Variants in KIF13A observed in about 807,000 individuals in gnomAD.
KIF13A encodes the protein kinesin family member 13A.
A neutral mutation model predicts 212.2 loss-of-function variants in KIF13A; 79 were observed. That is an observed-to-expected ratio of 0.37 (90% CI 0.31 to 0.45). The LOEUF (loss-of-function observed/expected upper bound fraction) is 0.45. KIF13A is among the 20% of genes least tolerant of loss of function. KIF13A has a pLI of 1.00. For synonymous variants in KIF13A, 789 were observed against 808.6 expected (o/e 0.98, Z 0.41); for missense variants, 1,901 against 2,209.0 (o/e 0.86, Z 2.79).
intron 2 of KIF13A, among the ~76,000 whole-genome samples, chr6:17,916,670 G>A (rs370929842): frequency 1.3e-5 from 2 of 152,130 alleles, no homozygotes; most frequent in African/African-American, 4.8e-5. Flanking sequence ...GAATAACACA[G>A]TCTCCTCAAA....
chr6:17,932,998 GA>G (rs1160119629), intron 2 of KIF13A, among the ~76,000 whole-genome samples: 1 of 151,070 alleles, frequency 6.6e-6, no homozygotes, highest in Non-Finnish European at 1.5e-5. Context: ...AGCTTAATTA[GA>G]AAAAAAAATT....
intron 9 of KIF13A, among the ~76,000 whole-genome samples, chr6:17,848,945 T>A (rs1015979069): frequency 6.6e-6 from 1 of 152,112 alleles, no homozygotes; most frequent in Non-Finnish European, 1.5e-5. Context: ...TTTGAGATAG[T>A]CTCACTCTGT....
chr6:17,882,141 C>T, intron 3 of KIF13A: 1 of 447,112 alleles, frequency 2.2e-6, no homozygotes, highest in Non-Finnish European at 4.5e-6. Context: ...TCTCTGTATC[C>T]TTTCATTTGT....
rs570102021 is a variant in KIF13A at position 17,975,968 on chromosome 6, C to T, written c.146+11086G>A. Among the ~76,000 whole-genome samples, 142 of 151,180 alleles carry T rather than the reference C, an allele frequency of 9.4e-4. 2 individuals are homozygous for T. The highest frequency in any genetic ancestry group is 3.3e-3 in the African/African-American group (135 of 40,910). ...CCACCAGAGTAGCTAGATACAGTGT[C>T]GATTGGTGCATTCACAAACCCTGAG... On this transcript the variant is annotated intron_variant, in intron 2 of 38. Transcript: ENST00000259711.
chr6:17,867,466 A>T (rs529381702), intron 4 of KIF13A, among the ~76,000 whole-genome samples: 2 of 152,344 alleles, frequency 1.3e-5, no homozygotes, highest in Admixed American at 1.3e-4. Context: ...TATGGTTTAA[A>T]CCCAATAGCT....
At position 17,789,969 on chromosome 6, in the gene KIF13A, G is replaced by A; in HGVS notation, c.3223-59C>T. 1 of 1,329,622 alleles carries A rather than the reference G, an allele frequency of 7.5e-7. No homozygotes were observed. The highest frequency in any genetic ancestry group is 1.1e-6 in the Non-Finnish European group (1 of 927,248). The allele number at this position is 1,329,622 out of a possible 1,614,324, so 82.4% of individuals were successfully genotyped here. A position where few individuals can be genotyped will look rare whatever the true frequency, so the allele number is the denominator to read the frequency against. On this transcript the variant is annotated intron_variant, in intron 25 of 38. Coordinates refer to ENST00000259711, the MANE Select transcript of KIF13A (RefSeq NM_022113.6). This position sits in a 1 kb window ranked among gnomAD's most constrained non-coding sequence, Gnocchi z 4.8. The stretch of plus-strand genomic sequence containing the variant: ...TTTTGTTTTTCAAACCACATACAGG[G>A]AAAATAATTATTTAAGCTTAACACA...
At position 17,787,725 on chromosome 6, in the gene KIF13A, T is replaced by G. The variant is rs1282855271; in HGVS notation, c.3361+51A>C. 2.0e-6 allele frequency: 2 copies of G among 1,016,580 alleles called. No individual in the cohort carries two copies. The highest frequency in any genetic ancestry group is 3.1e-6 in the Non-Finnish European group (2 of 638,448). 63.0% of individuals were successfully genotyped at this position (1,016,580 alleles called of 1,614,324 possible). A position where few individuals can be genotyped will look rare whatever the true frequency, so the allele number is the denominator to read the frequency against. On this transcript the variant is annotated intron_variant, in intron 27 of 38. Transcript: ENST00000259711. This position sits in a 1 kb window ranked among gnomAD's most constrained non-coding sequence, Gnocchi z 4.6. ...GGGGAAGAAAACGACCTACTGCCAT[T>G]GTGTAAAAGTGAAAAAGCTACTCCC...
In KIF13A at chr6:17,967,208, A is replaced by ACCGCCTCAAGGC. The variant is rs1779405085; in HGVS notation, c.146+19845_146+19846insGCCTTGAGGCGG. Among the ~76,000 whole-genome samples the ACCGCCTCAAGGC allele has an allele frequency of 1.3e-5, 2 of 152,214 alleles. No homozygotes were observed. Among genetic ancestry groups the ACCGCCTCAAGGC allele is most frequent in the Non-Finnish European group, 1.5e-5 (1 of 68,044 alleles). On this transcript the variant is annotated intron_variant, in intron 2 of 38. Transcript: ENST00000259711. The surrounding 1 kb of genome is among the most constrained non-coding windows in gnomAD (Gnocchi z 4.1). ...AACATTCAGCTGAACCTAGTGCTGT[A>ACCGCCTCAAGGC]AATTTTTAGATAGTGCTACCGCCTC...
intron 3 of KIF13A, among the ~76,000 whole-genome samples, chr6:17,885,865 G>A (rs368717365): frequency 6.6e-6 from 1 of 152,062 alleles, no homozygotes; most frequent in African/African-American, 2.4e-5. Flanking sequence ...TTCAAAATCC[G>A]CTTCACTGGT....
intron 2 of KIF13A, among the ~76,000 whole-genome samples, chr6:17,966,155 C>T (rs973883735): frequency 2.6e-5 from 4 of 152,182 alleles, no homozygotes; most frequent in African/African-American, 9.7e-5. Flanking sequence ...GATTGTGTCA[C>T]TGCACTCCAG....
At chr6:17,969,121 C>T (rs1779576907) in intron 2 of KIF13A, among the ~76,000 whole-genome samples, 1 of 152,190 alleles carries the variant, frequency 6.6e-6, no homozygotes, top group Non-Finnish European at 1.5e-5. Context: ...GTGCCAGCTG[C>T]TTCGAGAAAG....
At chr6:17,975,576 C>T (rs1303092380) in intron 2 of KIF13A, among the ~76,000 whole-genome samples, 1 of 152,142 alleles carries the variant, frequency 6.6e-6, no homozygotes, top group African/African-American at 2.4e-5. Context: ...CAGAACAAAA[C>T]GCGAACAAGT....
chr6:17,930,411 A>G (rs931938138), intron 2 of KIF13A, among the ~76,000 whole-genome samples: 2 of 152,214 alleles, frequency 1.3e-5, no homozygotes, highest in African/African-American at 4.8e-5. Context: ...TCATTTTTTA[A>G]AATAACGGAT....
In KIF13A at chr6:17,764,387, C is replaced by T; in HGVS notation, c.5141G>A (p.Arg1714Lys). ...CGTCACCTCCCTGGGGCAGAATCCC[C>T]TGGCTGGCTGGCTAATTTTGCTGGG... ...ACPSKISQPA[R>K]GFCPREVTVE... Residue 1714 changes from arginine to lysine, a missense_variant, in exon 39 of 39, where the codon AGG becomes AAG. By Grantham distance (26) the Arg-to-Lys change is conservative. Around this residue, in one of 5 missense-constraint regions of KIF13A, gnomAD observed 687 missense variants for 759.1 expected, o/e 0.90. Coordinates refer to ENST00000259711, the MANE Select transcript of KIF13A (RefSeq NM_022113.6). This position sits in a 1 kb window ranked among gnomAD's most constrained non-coding sequence, Gnocchi z 5.1. 1 of 1,613,976 alleles carries T rather than the reference C, an allele frequency of 6.2e-7. No homozygotes were observed. The highest frequency in any genetic ancestry group is 8.5e-7 in the Non-Finnish European group (1 of 1,179,894).
At chr6:17,857,655 C>T (rs1381453699) in intron 4 of KIF13A, among the ~76,000 whole-genome samples, 1 of 152,166 alleles carries the variant, frequency 6.6e-6, no homozygotes, top group Non-Finnish European at 1.5e-5. Flanking sequence ...CTGACAACAT[C>T]AAATATTGCT....
intron 2 of KIF13A, among the ~76,000 whole-genome samples, chr6:17,980,051 A>G (rs1021782093): frequency 2.6e-5 from 4 of 152,106 alleles, no homozygotes; most frequent in African/African-American, 9.7e-5. Flanking sequence ...TTTTTTTTTC[A>G]GAACTGAAAG....
At chr6:17,802,293 C>CT (rs577749171) in intron 20 of KIF13A, among the ~76,000 whole-genome samples, 7,544 of 140,682 alleles carry the variant, frequency 0.054, 249 homozygotes, top group African/African-American at 0.1. Flanking sequence ...TGTTCTTAAG[C>CT]TTTTTTTTTT....
Position 17,800,667 on chromosome 6 carries a change from C to G in KIF13A, c.2455-554G>C, listed in dbSNP as rs548529283. Among the ~76,000 whole-genome samples, 12 of 150,654 alleles carry G rather than the reference C, an allele frequency of 8.0e-5. No homozygotes were observed. In the East Asian group the frequency reaches 2.4e-3, roughly 30 times the overall value. ...CCAGGCTGGAGTGCAGTGGCGTGAT[C>G]TCGGCTCACTGCAACCTCCACCTCC... On this transcript the variant is annotated intron_variant, in intron 20 of 38. Coordinates refer to ENST00000259711, the MANE Select transcript of KIF13A (RefSeq NM_022113.6).
intron 3 of KIF13A, among the ~76,000 whole-genome samples, chr6:17,877,424 C>T (rs1770670446): frequency 6.6e-6 from 1 of 152,160 alleles, no homozygotes; most frequent in African/African-American, 2.4e-5. Flanking sequence ...TAGAGACCGA[C>T]CACACAGGCG....
Sources: allele counts gnomAD v4.1 joint callset (sites outside exome capture counted in the v4.1 genomes callset), GRCh38; gene constraint gnomAD v4.1.1; regional missense constraint gnomAD v4.1.1; non-coding constraint Gnocchi (gnomAD v3.1); transcripts MANE v1.5; gene names NCBI Gene and HGNC (gene_info 2026-07-23, HGNC 2026-07-21).